The following MGA variants were observed in gnomAD, a reference collection of about 807,000 sequenced individuals.
MGA encodes the protein MAX gene-associated protein.
MGA carries 40 observed loss-of-function variants against 261.1 expected under a neutral mutation model. That is an observed-to-expected ratio of 0.15 (90% CI 0.12 to 0.20). The LOEUF (loss-of-function observed/expected upper bound fraction) is 0.20, where lower values mean the gene tolerates loss of function less well. MGA is among the 10% of genes least tolerant of loss of function. The pLI, the probability that MGA is intolerant of heterozygous loss-of-function variation, is 1.00. For missense variants in MGA, 3,397 were observed against 3,630.5 expected, an observed-to-expected ratio of 0.94 and a Z score of 1.65; for synonymous variants, 1,302 against 1,290.6, an observed-to-expected ratio of 1.01 and a Z score of -0.19.
chr15:41,640,231 G>A (rs948620702), intron 1 of MGA, among the ~76,000 whole-genome samples: 13 of 152,088 alleles, frequency 8.5e-5, no homozygotes, highest in Admixed American at 5.9e-4. Flanking sequence ...AAAAAAACCC[G>A]GGGAGCATAT....
Position 41,767,651 on chromosome 15 carries a change from G to C in MGA, c.*371G>C, listed in dbSNP as rs1250101488. On this transcript the variant is annotated 3_prime_UTR_variant, in exon 24 of 24. Transcript: ENST00000219905. ...AGCTGTTTGCAACTTTGGAGTTGCT[G>C]TAGACTGAACTGTAGCTTGTAGCTG... 4.2e-6 allele frequency: 1 copy of C among 238,672 alleles called. No individual in the cohort carries two copies. Among genetic ancestry groups the C allele is most frequent in the Non-Finnish European group, 8.2e-6 (1 of 121,428 alleles). The allele number at this position is 238,672 out of a possible 1,614,324, so 14.8% of individuals were successfully genotyped here.
chr15:41,637,344 T>C (rs1443475951), intron 1 of MGA, among the ~76,000 whole-genome samples: 1 of 152,188 alleles, frequency 6.6e-6, no homozygotes, highest in East Asian at 1.9e-4. Flanking sequence ...TGGAAGTTAT[T>C]GATTGACTTA....
rs2062696650 is a variant in MGA, at chr15:41,749,285, T to G, written c.5678T>G (p.Phe1893Cys). 2 of 1,613,922 alleles carry G rather than the reference T, an allele frequency of 1.2e-6. No individual in the cohort carries two copies. The highest frequency in any genetic ancestry group is 2.7e-5 in the African/African-American group (2 of 74,934). Residue 1893 changes from phenylalanine to cysteine, a missense_variant, in exon 17 of 24, where the codon TTT becomes TGT. This residue lies in a region of MGA where 1,410 missense variants were observed against 1,386.4 expected (regional missense o/e 1.02). Transcript: ENST00000219905. ...TCATTGCTTTCCTCTGGAGCTAGTT[T>G]TGTGTCTCAGGCTGGTACATTGACC... is the stretch of plus-strand genomic sequence containing the variant.
chr15:41,760,833 T>A (rs771177172), intron 20 of MGA, among the ~76,000 whole-genome samples: 2 of 152,100 alleles, frequency 1.3e-5, no homozygotes, highest in African/African-American at 2.4e-5. Context: ...GCCTCATGGG[T>A]TCAAGCGATT....
chr15:41,690,086 A>G (rs1403073792), intron 2 of MGA, among the ~76,000 whole-genome samples: 3 of 151,876 alleles, frequency 2.0e-5, no homozygotes, highest in Non-Finnish European at 4.4e-5. Context: ...GTAACTTCCC[A>G]TTTTCCCTCA....
rs375797279 is a variant in MGA, at chr15:41,767,141, A to G, written c.9059A>G (p.Lys3020Arg). 21 of 1,613,892 alleles carry G rather than the reference A, an allele frequency of 1.3e-5. No homozygotes were observed. In the African/African-American group the frequency reaches 2.4e-4, roughly 18 times the overall value. Residue 3020 changes from lysine to arginine, a missense_variant, in exon 24 of 24, where the codon AAA becomes AGA. This residue lies in a region of MGA where 647 missense variants were observed against 642.4 expected (regional missense o/e 1.01). Coordinates refer to ENST00000219905, the MANE Select transcript of MGA (RefSeq NM_001164273.2). ...CCTTGTTTGGCACCTATAGCTGCCA[A>G]AGTTGGGTCAGTTGGACACAAAATG...
Position 41,622,553 on chromosome 15 carries a change from A to G in MGA, c.-68+1255A>G, listed in dbSNP as rs573551437. On this transcript the variant is annotated intron_variant, in intron 1 of 8. Coordinates refer to the MGA transcript ENST00000566718. The stretch of plus-strand genomic sequence containing the variant: ...GGGCCCACGACCTCATTCGAAAAAT[A>G]TTGTCTTTTAGACATCTAATCCCTA... Among the ~76,000 whole-genome samples, 69 of 152,266 alleles carry G rather than the reference A, an allele frequency of 4.5e-4. No homozygotes were observed. The South Asian group carries it at 0.011, about 24-fold the overall frequency.
intron 18 of MGA, among the ~76,000 whole-genome samples, 157 bp downstream of exon 18, chr15:41,754,724 G>T (rs2063046213): frequency 6.6e-6 from 1 of 152,104 alleles, no homozygotes; most frequent in African/African-American, 2.4e-5. Context: ...CTAGAATTTG[G>T]GTAATTAATT....
chr15:41,682,504 G>A (rs1383188668), intron 2 of MGA, among the ~76,000 whole-genome samples: 1 of 151,720 alleles, frequency 6.6e-6, no homozygotes, highest in Non-Finnish European at 1.5e-5. Flanking sequence ...TTTTTGAGAT[G>A]GAATCTCGCT....
At chr15:41,648,888 C>T (rs1284302324) in intron 1 of MGA, among the ~76,000 whole-genome samples, 2 of 151,972 alleles carry the variant, frequency 1.3e-5, no homozygotes, top group African/African-American at 4.8e-5. Context: ...GAATGGATTA[C>T]AGGAGAGAGC....
Position 41,710,931 on chromosome 15 carries a change from A to C in MGA, c.2666A>C (p.His889Pro), listed in dbSNP as rs1300691044. Residue 889 changes from histidine to proline, a missense_variant, in exon 8 of 24, where the codon CAT (histidine) becomes CCT (proline). This residue lies in a region of MGA where 519 missense variants were observed against 554.1 expected (regional missense o/e 0.94). Coordinates refer to ENST00000219905, the MANE Select transcript of MGA (RefSeq NM_001164273.2). ...TCTACCTCTTATTCTTTGAAACCTC[A>C]TTCTGTACCCCCTGTCTCTCGAAAG... 6.2e-7 allele frequency: 1 copy of C among 1,613,972 alleles called. No individual in the cohort carries two copies. The highest frequency in any genetic ancestry group is 1.1e-5 in the South Asian group (1 of 91,080).
Position 41,767,023 on chromosome 15 carries a change from A to G in MGA, c.8941A>G (p.Thr2981Ala). ...CTTGGAGAACAGCAACAGCACAGAC[A>G]CTTTGTGGAGGCCTATGCCAAAGTT... is the stretch of plus-strand genomic sequence containing the variant. The change falls in exon 24 of 24, where the codon ACT becomes GCT. Residue 2981 changes from threonine to alanine, a missense_variant. Thr to Ala is a moderately conservative substitution (Grantham distance 58). This residue lies in a region of MGA where 647 missense variants were observed against 642.4 expected (regional missense o/e 1.01). Coordinates refer to ENST00000219905, the MANE Select transcript of MGA (RefSeq NM_001164273.2). 1.2e-6 allele frequency: 2 copies of G among 1,614,016 alleles called. No homozygotes were observed. The highest frequency in any genetic ancestry group is 2.2e-5 in the East Asian group (1 of 44,888).
rs2063462149 is a variant in MGA, at chr15:41,761,599, T to G, written c.7399-140T>G. 5.2e-6 allele frequency: 3 copies of G among 572,808 alleles called. No individual in the cohort carries two copies. In the South Asian group the frequency reaches 7.8e-5, roughly 15 times the overall value. 35.5% of individuals were successfully genotyped at this position (572,808 alleles called of 1,614,324 possible). A position where few individuals can be genotyped will look rare whatever the true frequency, so the allele number is the denominator to read the frequency against. Reference sequence around the variant, plus strand: ...TTAACAAAAAATAATTTCTGAAACATCAACAATTGTTAATGGAATTTAAAA... The same window carrying G: ...TTAACAAAAAATAATTTCTGAAACAGCAACAATTGTTAATGGAATTTAAAA... On this transcript the variant is annotated intron_variant, in intron 20 of 23. Transcript: ENST00000219905.
chr15:41,716,180 G>T lies in MGA; in HGVS notation c.3430+2684G>T, dbSNP rs113611020. On this transcript the variant is annotated intron_variant, in intron 9 of 23. Transcript: ENST00000219905. ...AAAGGAGGGATGGCTGGGCACGGTG[G>T]CGCAGGCCTGTAATCCCAGCACTTT... is the stretch of plus-strand genomic sequence containing the variant. Among the ~76,000 whole-genome samples, 107 of 151,956 alleles carry T rather than the reference G, an allele frequency of 7.0e-4. 1 individual carries two copies. Among genetic ancestry groups the T allele is most frequent in the Non-Finnish European group, 1.9e-4 (13 of 67,992 alleles).
At chr15:41,710,630 T>TA in intron 7 of MGA, 61 bp from the exon 8 acceptor site, 1 of 1,455,728 alleles carries the variant, frequency 6.9e-7, no homozygotes, top group Non-Finnish European at 9.2e-7. Context: ...TTAGTGTTTT[T>TA]ATGGAGATTC....
chr15:41,637,496 G>A (rs1013456034), intron 1 of MGA, among the ~76,000 whole-genome samples: 4 of 152,122 alleles, frequency 2.6e-5, no homozygotes, highest in African/African-American at 9.7e-5. Context: ...TGGGTGAGGG[G>A]TTGAATAAGC....
In MGA at chr15:41,761,615, G is replaced by C. The variant is rs538696431; in HGVS notation, c.7399-124G>C. 22 of 580,628 alleles carry C rather than the reference G, an allele frequency of 3.8e-5. No homozygotes were observed. In the South Asian group the frequency reaches 5.9e-4, roughly 16 times the overall value. 36.0% of individuals were successfully genotyped at this position (580,628 alleles called of 1,614,324 possible). A position where few individuals can be genotyped will look rare whatever the true frequency, so the allele number is the denominator to read the frequency against. On this transcript the variant is annotated intron_variant, in intron 20 of 23. Transcript: ENST00000219905. ...TCTGAAACATCAACAATTGTTAATG[G>C]AATTTAAAAATTCTCTTAAGATGTC...
Position 41,706,468 on chromosome 15 carries a change from A to G in MGA, c.2189-1260A>G, listed in dbSNP as rs556840333. 1.4e-3 allele frequency among the ~76,000 whole-genome samples: 213 copies of G among 151,950 alleles called. 2 individuals are homozygous for G. The highest frequency in any genetic ancestry group is 4.8e-3 in the African/African-American group (198 of 41,436). On this transcript the variant is annotated intron_variant, in intron 5 of 23. Coordinates refer to ENST00000219905, the MANE Select transcript of MGA (RefSeq NM_001164273.2). ...ATAGGATACATGGGGTTCATAACCT[A>G]CCTAATGTCTTTACCTGTTAGAGAA... is the stretch of plus-strand genomic sequence containing the variant.
chr15:41,678,760 C>G (rs2058514460), intron 2 of MGA, among the ~76,000 whole-genome samples: 1 of 82,846 alleles, frequency 1.2e-5, no homozygotes, highest in East Asian at 4.4e-4. Context: ...GAGCAAGACT[C>G]CATCTCAAAA....
Sources: allele counts gnomAD v4.1 joint callset (sites outside exome capture counted in the v4.1 genomes callset), GRCh38; gene constraint gnomAD v4.1.1; regional missense constraint gnomAD v4.1.1; transcripts MANE v1.5; gene names NCBI Gene and HGNC (gene_info 2026-07-23, HGNC 2026-07-21).